SMAD3: variants seen among roughly 807,000 people sequenced by gnomAD.
SMAD3 encodes SMAD family member 3.
SMAD3 carries 12 observed loss-of-function variants against 51.8 expected under a neutral mutation model. The ratio of observed to expected loss-of-function variants is 0.23; its 90% CI spans 0.15 to 0.38. The LOEUF (loss-of-function observed/expected upper bound fraction) is 0.38, where lower values mean the gene tolerates loss of function less well. Among genes scored for constraint, SMAD3 ranks in the 10% least tolerant of loss-of-function variants. The pLI is 1.00. For missense variants in SMAD3, 294 were observed against 565.6 expected (o/e 0.52, Z 4.87); for synonymous variants, 238 against 227.7 (o/e 1.05, Z -0.41).
intron 1 of SMAD3, among the ~76,000 whole-genome samples, chr15:67,137,699 G>A (rs1961700878): frequency 6.6e-6 from 1 of 152,156 alleles, no homozygotes; most frequent in Non-Finnish European, 1.5e-5. Flanking sequence ...AAATGTTTTT[G>A]GTGGGTAATT....
At chr15:67,137,866 G>T in intron 1 of SMAD3, 1 of 596,768 alleles carries the variant, frequency 1.7e-6, no homozygotes, top group Non-Finnish European at 3.1e-6. Context: ...GCAAAGTACT[G>T]TCCTCCCTTT....
chr15:67,066,479 G>C (rs1595882303), intron 1 of SMAD3, 119 bp downstream of exon 1: 1 of 814,288 alleles, frequency 1.2e-6, no homozygotes, highest in African/African-American at 1.7e-5. Context: ...GTGAGACTGT[G>C]TGGGTGCGTG....
At chr15:67,183,000 A>ATATATAT (rs1555413789) in intron 6 of SMAD3, among the ~76,000 whole-genome samples, 6 of 43,638 alleles carry the variant, frequency 1.4e-4, no homozygotes, top group Non-Finnish European at 1.8e-4. Context: ...AAAAAAAAAA[A>ATATATAT]ATATATATAT....
intron 1 of SMAD3, among the ~76,000 whole-genome samples, chr15:67,161,453 G>A (rs1171310002): frequency 6.6e-6 from 1 of 152,124 alleles, no homozygotes; most frequent in African/African-American, 2.4e-5. Flanking sequence ...ATTCTCCCCC[G>A]CTGCTGGCAT....
At chr15:67,086,868 C>A (rs892540408) in intron 1 of SMAD3, among the ~76,000 whole-genome samples, 1 of 151,176 alleles carries the variant, frequency 6.6e-6, no homozygotes, top group Non-Finnish European at 1.5e-5. Context: ...TCACTCGGGT[C>A]CCACTATCAC....
chr15:67,131,619 C>A (rs1961527918), intron 1 of SMAD3, among the ~76,000 whole-genome samples: 1 of 152,146 alleles, frequency 6.6e-6, no homozygotes, highest in African/African-American at 2.4e-5. Flanking sequence ...GAGACTTGGA[C>A]CTTTCTGAAC....
chr15:67,145,088 C>G (rs1961939593), intron 1 of SMAD3, among the ~76,000 whole-genome samples: 1 of 152,120 alleles, frequency 6.6e-6, no homozygotes, highest in African/African-American at 2.4e-5. Flanking sequence ...TTTTCCATAT[C>G]CATTGTTCAG....
chr15:67,113,253 AT>A (rs1031594442), intron 1 of SMAD3, among the ~76,000 whole-genome samples: 20 of 85,626 alleles, frequency 2.3e-4, no homozygotes, highest in Non-Finnish European at 2.1e-4. Context: ...CGCCCGGCCA[AT>A]TTTTTTTTTG....
chr15:67,086,347 A>G (rs1030474925), intron 1 of SMAD3, among the ~76,000 whole-genome samples: 27 of 152,318 alleles, frequency 1.8e-4, no homozygotes, highest in African/African-American at 6.5e-4. Flanking sequence ...CAGCAGTAGC[A>G]TCTAAACAGC....
chr15:67,188,697 T>C (rs957912268), intron 8 of SMAD3, among the ~76,000 whole-genome samples: 1 of 152,238 alleles, frequency 6.6e-6, no homozygotes, highest in Non-Finnish European at 1.5e-5. Context: ...CTACTCTCCC[T>C]TTCTCTTCAT....
chr15:67,178,512 A>G (rs1962966414), intron 5 of SMAD3, among the ~76,000 whole-genome samples: 4 of 152,166 alleles, frequency 2.6e-5, no homozygotes, highest in Admixed American at 2.6e-4. Flanking sequence ...ATTGTCTTCT[A>G]GTGTACCACA....
In SMAD3 at chr15:67,113,076, G is replaced by GTATATATATATATA. The variant is rs1555408269; in HGVS notation, c.206+46722_206+46735dup. Reference sequence around the variant, plus strand: ...CAACTTTTAAAATATATATATATGTGTATATATATATATATATATTTTTTT... The same window carrying GTATATATATATATA: ...CAACTTTTAAAATATATATATATGTGTATATATATATATATATATATATATATATATATTTTTTT... On this transcript the variant is annotated intron_variant, in intron 1 of 8. Transcript: ENST00000327367. Among the ~76,000 whole-genome samples the GTATATATATATATA allele has an allele frequency of 2.1e-3, 72 of 34,982 alleles. 5 individuals carry two copies. The highest frequency in any genetic ancestry group is 4.5e-3 in the South Asian group (3 of 660). The allele number at this position is 34,982 out of a possible 152,430, so 22.9% of individuals were successfully genotyped here. A position where few individuals can be genotyped will look rare whatever the true frequency, so the allele number is the denominator to read the frequency against.
intron 1 of SMAD3, chr15:67,142,993 G>T (rs1961873915): frequency 3.7e-6 from 1 of 273,618 alleles, no homozygotes; most frequent in South Asian, 2.8e-5. Context: ...GGCCAGGCCA[G>T]ACGTCCTTGC....
At chr15:67,090,268 G>A (rs78855389) in intron 1 of SMAD3, among the ~76,000 whole-genome samples, 1 of 152,096 alleles carries the variant, frequency 6.6e-6, no homozygotes, top group South Asian at 2.1e-4. Context: ...AGGGAGTCTC[G>A]AGTCCGATTT....
In SMAD3 at chr15:67,184,793, T is replaced by A; in HGVS notation, c.938T>A (p.Ile313Asn). ...VFAECLSDSA[I>N]FVQSPNCNQR... is the part of the protein sequence containing the mutation. ...GCAGAGTGCCTCAGTGACAGCGCTA[T>A]TTTTGTCCAGTCTCCCAACTGTAAC... Residue 313 changes from isoleucine (I) to asparagine (N), a missense_variant, in exon 7 of 9, where the codon ATT becomes AAT. This residue lies in a region of SMAD3 where 118 missense variants were observed against 278.0 expected (regional missense o/e 0.42). Transcript: ENST00000327367. 6.2e-7 allele frequency: 1 copy of A among 1,613,952 alleles called. No homozygotes were observed. The highest frequency in any genetic ancestry group is 8.5e-7 in the Non-Finnish European group (1 of 1,180,036).
At chr15:67,070,396 C>T (rs1414490072) in intron 1 of SMAD3, among the ~76,000 whole-genome samples, 1 of 152,118 alleles carries the variant, frequency 6.6e-6, no homozygotes, top group African/African-American at 2.4e-5. Context: ...CATTTAGAAC[C>T]TTGGAACATG....
At chr15:67,160,054 AG>A (rs936926488) in intron 1 of SMAD3, among the ~76,000 whole-genome samples, 4 of 152,198 alleles carry the variant, frequency 2.6e-5, no homozygotes, top group Non-Finnish European at 2.9e-5. Flanking sequence ...ATGGTTTTTT[AG>A]CTTTTTAAGA....
At chr15:67,138,137 C>G in intron 1 of SMAD3, 1 of 1,474,178 alleles carries the variant, frequency 6.8e-7, no homozygotes, top group Non-Finnish European at 9.3e-7. Context: ...TTTTCTCTTT[C>G]TTGAACTCGT....
At chr15:67,089,345 C>T (rs1033706842) in intron 1 of SMAD3, among the ~76,000 whole-genome samples, 3 of 152,206 alleles carry the variant, frequency 2.0e-5, no homozygotes, top group African/African-American at 7.2e-5. Context: ...TGCCAGTCTT[C>T]GTCCTCAGCC....
Sources: allele counts gnomAD v4.1 joint callset (sites outside exome capture counted in the v4.1 genomes callset), GRCh38; gene constraint gnomAD v4.1.1; regional missense constraint gnomAD v4.1.1; transcripts MANE v1.5; gene names NCBI Gene and HGNC (gene_info 2026-07-23, HGNC 2026-07-21).